Variants in LHFPL2 observed in about 807,000 individuals in gnomAD.
The protein encoded by LHFPL2 is LHFPL tetraspan subfamily member 2 protein.
A neutral mutation model predicts 17.5 loss-of-function variants in LHFPL2; 7 were observed. The ratio of observed to expected loss-of-function variants is 0.40; its 90% CI spans 0.23 to 0.75. The LOEUF (loss-of-function observed/expected upper bound fraction) is 0.75. Among genes scored for constraint, LHFPL2 ranks in the 30% least tolerant of loss-of-function variants. The pLI is 0.37. For missense variants in LHFPL2, 241 were observed against 294.8 expected, an observed-to-expected ratio of 0.82 and a Z score of 1.34; for synonymous variants, 134 against 116.2, an observed-to-expected ratio of 1.15 and a Z score of -0.99.
intron 2 of LHFPL2, among the ~76,000 whole-genome samples, chr5:78,576,841 CT>C (rs992933577): frequency 2.0e-5 from 3 of 152,154 alleles, no homozygotes; most frequent in Non-Finnish European, 2.9e-5. Flanking sequence ...GTCTTCTTAA[CT>C]TTTTAAAGTG....
At chr5:78,494,638 A>G (rs899204560) in intron 4 of LHFPL2, 3 of 383,698 alleles carry the variant, frequency 7.8e-6, no homozygotes, top group Admixed American at 1.3e-4. Context: ...ACCGATGGTC[A>G]TGGTATTGTA....
intron 2 of LHFPL2, among the ~76,000 whole-genome samples, chr5:78,579,272 G>T (rs1253017007): frequency 6.6e-6 from 1 of 151,874 alleles, no homozygotes; most frequent in Non-Finnish European, 1.5e-5. Flanking sequence ...AGGAGGAGGA[G>T]GATTTTCTGT....
At chr5:78,611,804 C>T (rs539512421) in intron 2 of LHFPL2, among the ~76,000 whole-genome samples, 1 of 152,102 alleles carries the variant, frequency 6.6e-6, no homozygotes, top group Non-Finnish European at 1.5e-5. Context: ...CATGTAGGAG[C>T]ACAAACTTTT....
chr5:78,523,120 G>A (rs570535022), intron 3 of LHFPL2, among the ~76,000 whole-genome samples: 1 of 151,918 alleles, frequency 6.6e-6, no homozygotes, highest in Non-Finnish European at 1.5e-5. Context: ...TGGTGTGTGT[G>A]TGTGTGTGTG....
At chr5:78,508,391 GA>G (rs909418258) in intron 4 of LHFPL2, among the ~76,000 whole-genome samples, 119 of 152,266 alleles carry the variant, frequency 7.8e-4, no homozygotes, top group African/African-American at 2.8e-3. Flanking sequence ...CTTTGGGCCA[GA>G]AAGTTTAAAG....
chr5:78,560,280 C>T (rs772559677), intron 3 of LHFPL2, among the ~76,000 whole-genome samples: 11 of 152,256 alleles, frequency 7.2e-5, no homozygotes, highest in Non-Finnish European at 1.3e-4. Flanking sequence ...GATAACCTTA[C>T]TTATATTACC....
intron 3 of LHFPL2, among the ~76,000 whole-genome samples, chr5:78,510,704 G>C (rs1755091469): frequency 6.6e-6 from 1 of 152,246 alleles, no homozygotes; most frequent in East Asian, 1.9e-4. Flanking sequence ...GCACTTTTAG[G>C]ACAGGGCTCC....
intron 2 of LHFPL2, among the ~76,000 whole-genome samples, chr5:78,619,775 A>G (rs10474563): frequency 0.3 from 33,650 of 113,490 alleles, 2,682 homozygotes; most frequent in Non-Finnish European, 0.33. Flanking sequence ...TTGTCCTTGC[A>G]ATAGTTTACT....
chr5:78,623,399 T>C (rs908109652), intron 2 of LHFPL2, among the ~76,000 whole-genome samples: 1 of 152,226 alleles, frequency 6.6e-6, no homozygotes, highest in African/African-American at 2.4e-5. Flanking sequence ...ATGAACACTA[T>C]TGTTTAGTCT....
At position 78,488,572 on chromosome 5, in the gene LHFPL2, G is replaced by A. The variant is rs531967701; in HGVS notation, c.*325C>T. 9 of 303,726 alleles carry A rather than the reference G, an allele frequency of 3.0e-5. No homozygotes were observed. Among genetic ancestry groups the A allele is most frequent in the South Asian group, 1.2e-4 (3 of 24,544 alleles). 18.8% of individuals were successfully genotyped at this position (303,726 alleles called of 1,614,324 possible). On this transcript the variant is annotated 3_prime_UTR_variant, in exon 5 of 5. Transcript: ENST00000380345. ...GCAGATCTGGCGGACGGTCTCTTCC[G>A]TTACCAGAGAAACTGCTGCCCTAAT... is the stretch of plus-strand genomic sequence containing the variant.
chr5:78,580,344 G>C (rs1236678777), intron 2 of LHFPL2, among the ~76,000 whole-genome samples: 1 of 152,158 alleles, frequency 6.6e-6, no homozygotes, highest in Non-Finnish European at 1.5e-5. Flanking sequence ...AAGCTCTTTA[G>C]TTTAATTAGA....
rs560187155 is a variant in LHFPL2, at chr5:78,493,016, C to T, written c.431-3863G>A. ...CCATGGAATAGGGTTTGAATCCAGG[C>T]TCTGCCCTCTATGATCCCTCACCTG... On this transcript the variant is annotated intron_variant, in intron 4 of 4. Transcript: ENST00000380345. Among the ~76,000 whole-genome samples the T allele has an allele frequency of 1.9e-3, 294 of 152,350 alleles. 1 individual carries two copies. Among genetic ancestry groups the T allele is most frequent in the Non-Finnish European group, 2.9e-3 (200 of 68,038 alleles).
intron 3 of LHFPL2, among the ~76,000 whole-genome samples, chr5:78,563,285 T>C (rs1023187163): frequency 1.3e-5 from 2 of 152,206 alleles, no homozygotes; most frequent in African/African-American, 2.4e-5. Flanking sequence ...GAAAATCACA[T>C]GTAATAAGTT....
At chr5:78,558,445 A>G (rs1301726193) in intron 3 of LHFPL2, among the ~76,000 whole-genome samples, 1 of 152,224 alleles carries the variant, frequency 6.6e-6, no homozygotes, top group East Asian at 1.9e-4. Context: ...ACTGGAACCA[A>G]ATCTACCTGC....
chr5:78,608,127 T>A (rs1252128519), intron 2 of LHFPL2, among the ~76,000 whole-genome samples: 2 of 152,182 alleles, frequency 1.3e-5, no homozygotes, highest in African/African-American at 4.8e-5. Flanking sequence ...ATTAATCACA[T>A]GGATCTGGGA....
At chr5:78,582,491 G>C (rs1024948067) in intron 2 of LHFPL2, among the ~76,000 whole-genome samples, 13 of 151,048 alleles carry the variant, frequency 8.6e-5, no homozygotes, top group African/African-American at 3.2e-4. Flanking sequence ...TTGTGTCTTT[G>C]TTCTCGTTGG....
At chr5:78,624,125 G>C (rs942465136) in intron 2 of LHFPL2, among the ~76,000 whole-genome samples, 1 of 152,212 alleles carries the variant, frequency 6.6e-6, no homozygotes, top group African/African-American at 2.4e-5. Flanking sequence ...CCTGCAGAGA[G>C]CCTGCCAGCT....
In LHFPL2 at chr5:78,486,550, G is replaced by A. The variant is rs1754248742; in HGVS notation, c.*2347C>T. On this transcript the variant is annotated 3_prime_UTR_variant, in exon 5 of 5. Coordinates refer to ENST00000380345, the MANE Select transcript of LHFPL2 (RefSeq NM_005779.3). The stretch of plus-strand genomic sequence containing the variant: ...CCCAAGCCTGGCTAATGGATTCAAG[G>A]TTTAAAAGTCCCAACATTACCTTTT... 1.3e-5 allele frequency: 2 copies of A among 152,224 alleles called. No individual in the cohort carries two copies. 9.4% of individuals were successfully genotyped at this position (152,224 alleles called of 1,614,324 possible). A position where few individuals can be genotyped will look rare whatever the true frequency, so the allele number is the denominator to read the frequency against.
chr5:78,609,934 G>A (rs376599678), intron 2 of LHFPL2, among the ~76,000 whole-genome samples: 9 of 152,018 alleles, frequency 5.9e-5, no homozygotes, highest in Admixed American at 3.9e-4. Flanking sequence ...CAGAAGCTCC[G>A]AATGGAAACA....
Sources: allele counts gnomAD v4.1 joint callset (sites outside exome capture counted in the v4.1 genomes callset), GRCh38; gene constraint gnomAD v4.1.1; transcripts MANE v1.5; gene names NCBI Gene and HGNC (gene_info 2026-07-23, HGNC 2026-07-21).